Variants in ZNF48 observed in about 807,000 individuals in gnomAD.
ZNF48 encodes zinc finger protein 553.
ZNF48 carries 20 observed loss-of-function variants against 40.0 expected under a neutral mutation model. The ratio of observed to expected loss-of-function variants is 0.50; its 90% confidence interval spans 0.35 to 0.73. The LOEUF (loss-of-function observed/expected upper bound fraction) is 0.73, where lower values mean the gene tolerates loss of function less well. Ranked by LOEUF, ZNF48 falls within the 30% of genes least tolerant of loss-of-function variation. ZNF48 has a pLI of 0.01. For synonymous variants in ZNF48, 298 were observed against 329.7 expected (o/e 0.90, Z 1.04); for missense variants, 726 against 851.9 (o/e 0.85, Z 1.84).
chr16:30,381,525 G>A lies in ZNF48; in HGVS notation c.-16+3115G>A, dbSNP rs1284739918. The A allele has an allele frequency of 1.2e-6, 2 of 1,604,744 alleles. No individual in the cohort carries two copies. Among genetic ancestry groups the A allele is most frequent in the African/African-American group, 1.3e-5 (1 of 74,692 alleles). On this transcript the variant is annotated intron_variant, in intron 1 of 2. Coordinates refer to the ZNF48 transcript ENST00000528032. The surrounding 1 kb of genome is among the most constrained non-coding windows in gnomAD (Gnocchi z 4.3). ...CAGAGATCAAAGGCCAGAGGGCAGG[G>A]GGCAAGGCTAGCCAGGACTGTGGGA...
Position 30,395,430 on chromosome 16 carries a change from G to A in ZNF48, c.-164G>A, listed in dbSNP as rs1393557714. On this transcript the variant is annotated 5_prime_UTR_variant, in exon 1 of 3. Coordinates refer to ENST00000613509, the MANE Select transcript of ZNF48 (RefSeq NM_001214909.2). This position sits in a 1 kb window ranked among gnomAD's most constrained non-coding sequence, Gnocchi z 5.9. ...GCTTCCGCTTCCCGTCCCCGCCCCC[G>A]GTGGCCGCCCCCGGGACGCCTGGGT... 3 of 356,762 alleles carry A rather than the reference G, an allele frequency of 8.4e-6. No homozygotes were observed. Among genetic ancestry groups the A allele is most frequent in the South Asian group, 2.0e-5 (1 of 51,256 alleles). The allele number at this position is 356,762 out of a possible 1,614,324, so 22.1% of individuals were successfully genotyped here.
chr16:30,387,329 C>T (rs1490155350), intron 1 of ZNF48, among the ~76,000 whole-genome samples: 3 of 145,314 alleles, frequency 2.1e-5, no homozygotes, highest in Admixed American at 2.0e-4. Context: ...CCTAGGTGGG[C>T]GGTTCACCTG....
In ZNF48 at chr16:30,382,960, G is replaced by A; in HGVS notation, c.-16+4550G>A. 1.5e-6 allele frequency: 1 copy of A among 654,056 alleles called. No homozygotes were observed. The highest frequency in any genetic ancestry group is 1.7e-5 in the South Asian group (1 of 57,678). The allele number at this position is 654,056 out of a possible 1,614,324, so 40.5% of individuals were successfully genotyped here. On this transcript the variant is annotated intron_variant, in intron 1 of 2. Coordinates refer to the ZNF48 transcript ENST00000528032. This position sits in a 1 kb window ranked among gnomAD's most constrained non-coding sequence, Gnocchi z 4.8. The stretch of plus-strand genomic sequence containing the variant: ...AGGCGGAGGAGGGAGGACAGCTTGA[G>A]CCAAGGAGTTCCAGACCAGCCTGGG...
chr16:30,399,134 G>T lies in ZNF48; in HGVS notation c.*27G>T. ...GCGGTCCAGGGAGGGCGGAGGCCCA[G>T]GAGACCAAAGGGAGGGGCTCTGCCG... is the stretch of plus-strand genomic sequence containing the variant. On this transcript the variant is annotated 3_prime_UTR_variant, in exon 3 of 3. Coordinates refer to ENST00000613509, the MANE Select transcript of ZNF48 (RefSeq NM_001214909.2). The T allele has an allele frequency of 6.6e-7, 1 of 1,526,530 alleles. No homozygotes were observed. Among genetic ancestry groups the T allele is most frequent in the South Asian group, 1.3e-5 (1 of 79,620 alleles). 94.6% of individuals were successfully genotyped at this position (1,526,530 alleles called of 1,614,324 possible). A position where few individuals can be genotyped will look rare whatever the true frequency, so the allele number is the denominator to read the frequency against.
Position 30,398,657 on chromosome 16 carries a change from CCAT to C in ZNF48, c.1409_1411del (p.His470del). The stretch of plus-strand genomic sequence containing the variant: ...GCCGAAGCTCTGACCTGGTGAAACA[CCAT>C]CGTGTGCACACAGGGGAGAAACCCT... On this transcript the variant is annotated inframe_deletion, in exon 3 of 3. Coordinates refer to ENST00000613509, the MANE Select transcript of ZNF48 (RefSeq NM_001214909.2). This position sits in a 1 kb window ranked among gnomAD's most constrained non-coding sequence, Gnocchi z 6.6. 2 of 1,613,578 alleles carry C rather than the reference CCAT, an allele frequency of 1.2e-6. No homozygotes were observed. Among genetic ancestry groups the C allele is most frequent in the Non-Finnish European group, 1.7e-6 (2 of 1,179,946 alleles).
intron 1 of ZNF48, among the ~76,000 whole-genome samples, chr16:30,388,980 G>A (rs1257912537): frequency 2.0e-5 from 3 of 151,062 alleles, no homozygotes; most frequent in African/African-American, 7.3e-5. Context: ...GGCTCTTGTG[G>A]CCGGGTGTGG....
chr16:30,398,435 C>G lies in ZNF48; in HGVS notation c.1185C>G (p.Pro395=), dbSNP rs554768519. The change falls in exon 3 of 3, where the codon CCC becomes CCG. Residue 395 remains proline, a synonymous_variant. Coordinates refer to ENST00000613509, the MANE Select transcript of ZNF48 (RefSeq NM_001214909.2). The surrounding 1 kb of genome is among the most constrained non-coding windows in gnomAD (Gnocchi z 6.6). ...TCAGCTTCCCAGGCTATCCCCTACC[C>G]GCTCTGATCCCCAGCCCACCCCCAC... ...QDFSFPGYPL[P]ALIPSPPPPP... 3.8e-6 allele frequency: 6 copies of G among 1,598,626 alleles called. No homozygotes were observed. The highest frequency in any genetic ancestry group is 2.2e-5 in the East Asian group (1 of 44,608).
Position 30,382,916 on chromosome 16 carries a change from G to A in ZNF48, c.-16+4506G>A. The stretch of plus-strand genomic sequence containing the variant: ...AGGACGGGCAAGGTGGCTCTCGCCT[G>A]TAATCTCAGCACTTTGGGAGGCGGA... On this transcript the variant is annotated intron_variant, in intron 1 of 2. Coordinates refer to the ZNF48 transcript ENST00000528032. The surrounding 1 kb of genome is among the most constrained non-coding windows in gnomAD (Gnocchi z 4.8). 3.6e-6 allele frequency: 3 copies of A among 832,098 alleles called. No individual in the cohort carries two copies. The highest frequency in any genetic ancestry group is 1.5e-5 in the South Asian group (1 of 68,018). 51.5% of individuals were successfully genotyped at this position (832,098 alleles called of 1,614,324 possible).
At chr16:30,387,480 G>A (rs576990115) in intron 1 of ZNF48, among the ~76,000 whole-genome samples, 4 of 147,892 alleles carry the variant, frequency 2.7e-5, no homozygotes, top group Non-Finnish European at 6.0e-5. Flanking sequence ...ACTTGAACCC[G>A]GGAGGCAGAG....
chr16:30,381,876 C>A lies in ZNF48; in HGVS notation c.-16+3466C>A. 1 of 1,614,124 alleles carries A rather than the reference C, an allele frequency of 6.2e-7. No homozygotes were observed. Among genetic ancestry groups the A allele is most frequent in the South Asian group, 1.1e-5 (1 of 91,066 alleles). Reference sequence around the variant, plus strand: ...GGCGCTCAATGGCCAGGGTCTGTGTCAAGCGAGCTGTGGGATGGGGGAGAG... The same window carrying A: ...GGCGCTCAATGGCCAGGGTCTGTGTAAAGCGAGCTGTGGGATGGGGGAGAG... On this transcript the variant is annotated intron_variant, in intron 1 of 2. Coordinates refer to the ZNF48 transcript ENST00000528032. The surrounding 1 kb of genome is among the most constrained non-coding windows in gnomAD (Gnocchi z 4.3).
chr16:30,395,955 C>T lies in ZNF48; in HGVS notation c.79+82C>T. On this transcript the variant is annotated intron_variant, in intron 2 of 2. Transcript: ENST00000613509. This position sits in a 1 kb window ranked among gnomAD's most constrained non-coding sequence, Gnocchi z 5.9. ...TGCTTGGCTGTGGCCGGCCGAGATC[C>T]TGGAAGATCGGACGTGAGCTGTGCC... 1 of 1,356,794 alleles carries T rather than the reference C, an allele frequency of 7.4e-7. No individual in the cohort carries two copies. Among genetic ancestry groups the T allele is most frequent in the Non-Finnish European group, 9.7e-7 (1 of 1,025,756 alleles). 84.0% of individuals were successfully genotyped at this position (1,356,794 alleles called of 1,614,324 possible).
At chr16:30,385,904 T>C (rs2049897267) in intron 1 of ZNF48, among the ~76,000 whole-genome samples, 1 of 152,018 alleles carries the variant, frequency 6.6e-6, no homozygotes, top group Admixed American at 6.6e-5. Flanking sequence ...GGTGGGAGGA[T>C]TGCTTGAGGC....
At chr16:30,379,241 CG>C in intron 1 of ZNF48, 2 of 1,598,656 alleles carry the variant, frequency 1.3e-6, no homozygotes, top group Non-Finnish European at 1.7e-6. Flanking sequence ...CCAACCCACC[CG>C]TAAGGGTCGG....
chr16:30,379,638 C>CAATTTT, intron 1 of ZNF48: 1 of 295,694 alleles, frequency 3.4e-6, no homozygotes, highest in Non-Finnish European at 5.7e-6. Context: ...CTGCCCCTTC[C>CAATTTT]TCTTTTTTTT....
chr16:30,398,143 T>C lies in ZNF48; in HGVS notation c.893T>C (p.Leu298Ser), dbSNP rs200698203. The C allele has an allele frequency of 7.9e-5, 127 of 1,613,780 alleles. No individual in the cohort carries two copies. Among genetic ancestry groups the C allele is most frequent in the South Asian group, 2.2e-5 (2 of 91,066 alleles). ...CSLLSHQRSH[L>S]GPKPFGCDVC... Reference sequence around the variant, plus strand: ...CTCCTGAGTCACCAGCGTAGTCACTTGGGGCCCAAGCCCTTTGGCTGTGAT... The same window carrying C: ...CTCCTGAGTCACCAGCGTAGTCACTCGGGGCCCAAGCCCTTTGGCTGTGAT... Residue 298 changes from leucine to serine, a missense_variant, in exon 3 of 3, where the codon TTG (leucine) becomes TCG (serine). Physicochemically the swap from Leu to Ser is moderately radical, Grantham distance 145 (BLOSUM62 -2). Transcript: ENST00000613509. The surrounding 1 kb of genome is among the most constrained non-coding windows in gnomAD (Gnocchi z 6.6).
chr16:30,388,945 A>G (rs1006999667), intron 1 of ZNF48, among the ~76,000 whole-genome samples: 1 of 151,432 alleles, frequency 6.6e-6, no homozygotes, highest in Non-Finnish European at 1.5e-5. Context: ...AAACAACAAC[A>G]AAAAGAAAAC....
intron 1 of ZNF48, chr16:30,379,676 TCTCA>T: frequency 2.2e-6 from 1 of 456,656 alleles, no homozygotes. Context: ...TGAGACAGGG[TCTCA>T]CTCCATTGCC....
At chr16:30,389,324 T>C (rs2049924701) in intron 1 of ZNF48, among the ~76,000 whole-genome samples, 3 of 148,574 alleles carry the variant, frequency 2.0e-5, no homozygotes, top group South Asian at 2.1e-4. Context: ...CCGGGAGGTG[T>C]AGCTTGCAGT....
intron 1 of ZNF48, chr16:30,378,563 A>G: frequency 6.2e-7 from 1 of 1,605,748 alleles, no homozygotes. Flanking sequence ...GCGAAGCCAG[A>G]GGGGGACCTG....
Sources: allele counts gnomAD v4.1 joint callset (sites outside exome capture counted in the v4.1 genomes callset), GRCh38; gene constraint gnomAD v4.1.1; non-coding constraint Gnocchi (gnomAD v3.1); transcripts MANE v1.5; gene names NCBI Gene and HGNC (gene_info 2026-07-23, HGNC 2026-07-21).